The following PIP5K1B variants were observed in gnomAD, a reference collection of about 807,000 sequenced individuals.
The protein encoded by PIP5K1B is phosphatidylinositol 4-phosphate 5-kinase type-1 beta.
Under a neutral mutation model 67.0 loss-of-function variants are expected in PIP5K1B, and 42 were observed. The ratio of observed to expected loss-of-function variants is 0.63; its 90% confidence interval spans 0.49 to 0.81. PIP5K1B has a LOEUF of 0.81. Among genes scored for constraint, PIP5K1B ranks in the 30% least tolerant of loss-of-function variants. The pLI, the probability that PIP5K1B is intolerant of heterozygous loss-of-function variation, is 0.00. For missense variants in PIP5K1B, 459 were observed against 646.3 expected, an observed-to-expected ratio of 0.71 and a Z score of 3.14; for synonymous variants, 214 against 231.4, an observed-to-expected ratio of 0.92 and a Z score of 0.68.
intron 12 of PIP5K1B, among the ~76,000 whole-genome samples, chr9:68,924,146 A>C (rs112806669): frequency 0.1 from 15,784 of 150,388 alleles, 952 homozygotes; most frequent in Non-Finnish European, 0.14. Context: ...CGGGCGCGGT[A>C]ATCCTAGCAC....
intron 4 of PIP5K1B, among the ~76,000 whole-genome samples, chr9:68,852,546 G>C (rs1272817142): frequency 6.6e-6 from 1 of 152,126 alleles, no homozygotes; most frequent in Non-Finnish European, 1.5e-5. Flanking sequence ...CTTCTGCCAT[G>C]GTGTCCCATT....
At chr9:68,869,860 A>G (rs924655689) in intron 5 of PIP5K1B, among the ~76,000 whole-genome samples, 2 of 151,946 alleles carry the variant, frequency 1.3e-5, no homozygotes, top group Admixed American at 1.3e-4. Context: ...AAGATTACCA[A>G]CTCCTGATCT....
rs72304177 is a variant in PIP5K1B, at chr9:68,764,074, CTTTTTTTTTTTTTTTT to C, written c.-86+21428_-86+21443del. On this transcript the variant is annotated intron_variant, in intron 2 of 15. Transcript: ENST00000265382. ...TTTGGACACCCCTCTACTATAACTT[CTTTTTTTTTTTTTTTT>C]TTTTTTTTTTGGAATCATCACCTTT... Among the ~76,000 whole-genome samples, 5 of 73,548 alleles carry C rather than the reference CTTTTTTTTTTTTTTTT, an allele frequency of 6.8e-5. No homozygotes were observed. In the South Asian group the frequency reaches 1.5e-3, roughly 22 times the overall value. 48.3% of individuals were successfully genotyped at this position (73,548 alleles called of 152,430 possible).
chr9:68,739,529 C>T (rs1057427167), intron 1 of PIP5K1B, among the ~76,000 whole-genome samples: 1 of 152,200 alleles, frequency 6.6e-6, no homozygotes, highest in Non-Finnish European at 1.5e-5. Context: ...AAGAAGGCAG[C>T]ATTTATATTT....
At chr9:68,811,671 C>T (rs1010083806) in intron 2 of PIP5K1B, among the ~76,000 whole-genome samples, 1 of 152,198 alleles carries the variant, frequency 6.6e-6, no homozygotes, top group South Asian at 2.1e-4. Context: ...GCAATAGTGG[C>T]ATCATGTTGA....
intron 2 of PIP5K1B, among the ~76,000 whole-genome samples, chr9:68,774,068 G>T (rs1231095737): frequency 6.6e-6 from 1 of 152,006 alleles, no homozygotes; most frequent in Non-Finnish European, 1.5e-5. Context: ...AGCCGACTTT[G>T]CTTGAACAAA....
chr9:68,995,805 C>CAA lies in PIP5K1B; in HGVS notation c.1620+4563_1620+4564dup, dbSNP rs35764883. Among the ~76,000 whole-genome samples, 480 of 100,212 alleles carry CAA rather than the reference C, an allele frequency of 4.8e-3. 4 individuals carry two copies. The highest frequency in any genetic ancestry group is 0.016 in the African/African-American group (395 of 24,938). The allele number at this position is 100,212 out of a possible 152,430, so 65.7% of individuals were successfully genotyped here. A position where few individuals can be genotyped will look rare whatever the true frequency, so the allele number is the denominator to read the frequency against. On this transcript the variant is annotated intron_variant, in intron 15 of 15. Coordinates refer to ENST00000265382, the MANE Select transcript of PIP5K1B (RefSeq NM_003558.4). Reference sequence around the variant, plus strand: ...GGGCAACAAGAGCAAAACTCCGTCTCAAAAAAAAAAAAAAAAGGAAGAAAG... The same window carrying CAA: ...GGGCAACAAGAGCAAAACTCCGTCTCAAAAAAAAAAAAAAAAAAGGAAGAAAG...
At chr9:68,861,279 G>A (rs1823053855) in intron 4 of PIP5K1B, among the ~76,000 whole-genome samples, 1 of 75,244 alleles carries the variant, frequency 1.3e-5, no homozygotes, top group African/African-American at 3.7e-5. Context: ...TTACACCAGA[G>A]GAGAAAGATT....
intron 6 of PIP5K1B, among the ~76,000 whole-genome samples, chr9:68,886,820 C>T (rs1341525764): frequency 1.3e-5 from 2 of 152,182 alleles, no homozygotes; most frequent in South Asian, 2.1e-4. Context: ...AATGGCTTTT[C>T]GGCCCCCTTA....
At chr9:68,858,505 G>A (rs1431743502) in intron 4 of PIP5K1B, among the ~76,000 whole-genome samples, 3 of 152,162 alleles carry the variant, frequency 2.0e-5, no homozygotes, top group African/African-American at 4.8e-5. Flanking sequence ...TTGCTCAAAG[G>A]ATAGAGTATT....
At chr9:68,855,973 T>C (rs78179929) in intron 4 of PIP5K1B, among the ~76,000 whole-genome samples, 7,250 of 152,264 alleles carry the variant, frequency 0.048, 304 homozygotes, top group East Asian at 0.24. Flanking sequence ...CTTATTATCT[T>C]ATAGTTCTGG....
intron 5 of PIP5K1B, among the ~76,000 whole-genome samples, chr9:68,864,462 A>G (rs547727731): frequency 6.6e-6 from 1 of 152,358 alleles, no homozygotes; most frequent in East Asian, 1.9e-4. Context: ...AAACATGGAT[A>G]ATCCTGCTGT....
chr9:68,757,881 A>G (rs1830004738), intron 2 of PIP5K1B, among the ~76,000 whole-genome samples: 1 of 152,168 alleles, frequency 6.6e-6, no homozygotes, highest in African/African-American at 2.4e-5. Flanking sequence ...AAACCTGGAT[A>G]GAATGCATGA....
chr9:68,907,568 G>C (rs550781748), intron 8 of PIP5K1B, among the ~76,000 whole-genome samples: 17 of 151,954 alleles, frequency 1.1e-4, no homozygotes, highest in Admixed American at 8.5e-4. Flanking sequence ...GCTGTTCTTA[G>C]ATATTGTTTC....
At chr9:68,956,196 C>T (rs544033129) in intron 14 of PIP5K1B, among the ~76,000 whole-genome samples, 1 of 152,184 alleles carries the variant, frequency 6.6e-6, no homozygotes, top group African/African-American at 2.4e-5. Flanking sequence ...ATAGGCCGGG[C>T]AAGGTGGCTC....
intron 5 of PIP5K1B, among the ~76,000 whole-genome samples, chr9:68,873,162 C>T (rs1009087666): frequency 1.3e-5 from 2 of 151,204 alleles, no homozygotes; most frequent in African/African-American, 2.4e-5. Context: ...GTAAAATGGT[C>T]TCTCGGTGAC....
intron 4 of PIP5K1B, among the ~76,000 whole-genome samples, chr9:68,862,440 C>A (rs889412479): frequency 6.6e-6 from 1 of 152,050 alleles, no homozygotes; most frequent in African/African-American, 2.4e-5. Flanking sequence ...GGGGACACTG[C>A]AATTATAGCA....
At chr9:68,927,293 T>C (rs1427869099) in intron 12 of PIP5K1B, among the ~76,000 whole-genome samples, 4 of 152,182 alleles carry the variant, frequency 2.6e-5, no homozygotes, top group African/African-American at 9.7e-5. Flanking sequence ...TACCTAGAAG[T>C]GGAATTGCTG....
intron 1 of PIP5K1B, among the ~76,000 whole-genome samples, chr9:68,733,928 G>A (rs1462181411): frequency 2.0e-5 from 3 of 152,016 alleles, no homozygotes; most frequent in African/African-American, 7.3e-5. Context: ...GTGAGCCACT[G>A]TGCCCGGCAA....
Sources: allele counts gnomAD v4.1 joint callset (sites outside exome capture counted in the v4.1 genomes callset), GRCh38; gene constraint gnomAD v4.1.1; transcripts MANE v1.5; gene names NCBI Gene and HGNC (gene_info 2026-07-23, HGNC 2026-07-21).